SNX31: variants seen among roughly 807,000 people sequenced by gnomAD.
The protein encoded by SNX31 is sorting nexin 31.
In SNX31, 58 loss-of-function variants were observed where a neutral mutation model predicts 65.4. The ratio of observed to expected loss-of-function variants is 0.89; its 90% CI spans 0.72 to 1.10. The LOEUF (loss-of-function observed/expected upper bound fraction) is 1.10. Among genes scored for constraint, SNX31 ranks in the 50% least tolerant of loss-of-function variants. The pLI is 0.00. For missense variants in SNX31, 523 were observed against 529.7 expected (o/e 0.99, Z 0.12); for synonymous variants, 181 against 190.1 (o/e 0.95, Z 0.39).
intron 10 of SNX31, among the ~76,000 whole-genome samples, chr8:100,596,366 C>A (rs1039268346): frequency 6.6e-6 from 1 of 152,080 alleles, no homozygotes; most frequent in East Asian, 1.9e-4. Context: ...GCTGTTATTG[C>A]CATCTGCTGT....
chr8:100,657,587 T>C, intron 1 of SNX31: 1 of 436,886 alleles, frequency 2.3e-6, no homozygotes, highest in Non-Finnish European at 4.6e-6. Flanking sequence ...CAGGTATACC[T>C]GTGGAGTCCA....
intron 2 of SNX31, among the ~76,000 whole-genome samples, chr8:100,642,923 G>A (rs1819360478): frequency 6.6e-6 from 1 of 152,170 alleles, no homozygotes; most frequent in African/African-American, 2.4e-5. Flanking sequence ...GGGCGTGATG[G>A]CTCATGCCTG....
In SNX31 at chr8:100,625,069, C is replaced by G. The variant is rs540010522; in HGVS notation, c.321+5258G>C. Among the ~76,000 whole-genome samples, 9 of 152,270 alleles carry G rather than the reference C, an allele frequency of 5.9e-5. No individual in the cohort carries two copies. Among genetic ancestry groups the G allele is most frequent in the Admixed American group, 2.0e-4 (3 of 15,292 alleles). Reference sequence around the variant, plus strand: ...CAAGTAATTCTCCCACCTCAGCCCCCCAAAGTTCTGGGATTACAGGTGTGA... The same window carrying G: ...CAAGTAATTCTCCCACCTCAGCCCCGCAAAGTTCTGGGATTACAGGTGTGA... On this transcript the variant is annotated intron_variant, in intron 4 of 13. Coordinates refer to ENST00000311812, the MANE Select transcript of SNX31 (RefSeq NM_152628.4). This position sits in a 1 kb window ranked among gnomAD's most constrained non-coding sequence, Gnocchi z 4.2.
intron 12 of SNX31, among the ~76,000 whole-genome samples, chr8:100,577,757 A>G (rs1813167438): frequency 6.6e-6 from 1 of 152,178 alleles, no homozygotes; most frequent in Admixed American, 6.5e-5. Flanking sequence ...GAGTAGCTGT[A>G]GCTATAAGGA....
Position 100,573,717 on chromosome 8 carries a change from C to T in SNX31, c.*148G>A. The T allele has an allele frequency of 2.2e-6, 1 of 445,344 alleles. No homozygotes were observed. Among genetic ancestry groups the T allele is most frequent in the Non-Finnish European group, 4.0e-6 (1 of 251,590 alleles). 27.6% of individuals were successfully genotyped at this position (445,344 alleles called of 1,614,324 possible). On this transcript the variant is annotated 3_prime_UTR_variant, in exon 14 of 14. Coordinates refer to ENST00000311812, the MANE Select transcript of SNX31 (RefSeq NM_152628.4). The stretch of plus-strand genomic sequence containing the variant: ...TTCCATAGAGTGCTGTGGTATAATA[C>T]CTTGATGAATACAGTCCATGTTAAT...
intron 10 of SNX31, among the ~76,000 whole-genome samples, chr8:100,593,491 T>C (rs985487102): frequency 1.3e-5 from 2 of 152,008 alleles, no homozygotes; most frequent in Non-Finnish European, 2.9e-5. Context: ...TCTTGCTCTG[T>C]CTCCCAGGCT....
At position 100,613,907 on chromosome 8, in the gene SNX31, T is replaced by G. The variant is rs1333633550; in HGVS notation, c.433-822A>C. Among the ~76,000 whole-genome samples, 1 of 152,112 alleles carries G rather than the reference T, an allele frequency of 6.6e-6. No individual in the cohort carries two copies. Among genetic ancestry groups the G allele is most frequent in the Non-Finnish European group, 1.5e-5 (1 of 68,016 alleles). ...CTTTATACTCCTGGTCTTAACTCAC[T>G]AAATCACCTCTGTACCACGCAAGGA... On this transcript the variant is annotated intron_variant, in intron 5 of 13. Coordinates refer to ENST00000311812, the MANE Select transcript of SNX31 (RefSeq NM_152628.4). The surrounding 1 kb of genome is among the most constrained non-coding windows in gnomAD (Gnocchi z 5.2).
chr8:100,641,625 C>CATATATATAT (rs368399829), intron 2 of SNX31, among the ~76,000 whole-genome samples: 114 of 48,764 alleles, frequency 2.3e-3, no homozygotes, highest in African/African-American at 3.0e-3. Context: ...CACACACGCG[C>CATATATATAT]ATATATATAT....
In SNX31 at chr8:100,610,358, ATTT is replaced by A. The variant is rs5893526; in HGVS notation, c.611+1639_611+1641del. The stretch of plus-strand genomic sequence containing the variant: ...ATGAGTGAAAATCTAAGCCCCAAAG[ATTT>A]TTTTTTTTTTTTTGCTTCCTATAAT... On this transcript the variant is annotated intron_variant, in intron 7 of 13. Transcript: ENST00000311812. This position sits in a 1 kb window ranked among gnomAD's most constrained non-coding sequence, Gnocchi z 4.0. Among the ~76,000 whole-genome samples the A allele has an allele frequency of 1.4e-3, 198 of 143,994 alleles. 1 individual carries two copies. The highest frequency in any genetic ancestry group is 0.011 in the South Asian group (49 of 4,476). The allele number at this position is 143,994 out of a possible 152,430, so 94.5% of individuals were successfully genotyped here.
chr8:100,582,562 G>A (rs1308033037), intron 12 of SNX31: 1 of 152,110 alleles, frequency 6.6e-6, no homozygotes, highest in Non-Finnish European at 1.5e-5. Flanking sequence ...AGTTCTAGAA[G>A]AAAGAGAAAT....
chr8:100,615,391 C>T (rs1442174253), intron 5 of SNX31, among the ~76,000 whole-genome samples: 2 of 152,202 alleles, frequency 1.3e-5, no homozygotes, highest in East Asian at 1.9e-4. Flanking sequence ...ATAAACACAA[C>T]TGCCATTGTC....
intron 8 of SNX31, among the ~76,000 whole-genome samples, chr8:100,603,968 T>A (rs1018767966): frequency 6.6e-6 from 1 of 152,146 alleles, no homozygotes; most frequent in Non-Finnish European, 1.5e-5. Context: ...AAACTCCTAA[T>A]CTCAGGTACT....
intron 10 of SNX31, among the ~76,000 whole-genome samples, chr8:100,589,592 G>T (rs541010380): frequency 1.4e-4 from 21 of 151,730 alleles, no homozygotes; most frequent in African/African-American, 4.6e-4. Context: ...TAGTGTGTAG[G>T]GGAGGTGAGA....
intron 2 of SNX31, among the ~76,000 whole-genome samples, chr8:100,637,281 A>G (rs1011970868): frequency 6.6e-6 from 1 of 152,238 alleles, no homozygotes; most frequent in African/African-American, 2.4e-5. Flanking sequence ...GCACAGATTC[A>G]TTCTCCTGAA....
chr8:100,636,669 T>C (rs905624913), intron 2 of SNX31, among the ~76,000 whole-genome samples: 1 of 152,204 alleles, frequency 6.6e-6, no homozygotes, highest in Non-Finnish European at 1.5e-5. Context: ...TTACTCTTTT[T>C]AATGTGCCTA....
rs182066655 is a variant in SNX31, at chr8:100,600,473, T to A, written c.682-32A>T. ...ATAACATAAGTTGTAAAATTAGCAG[T>A]CTTAGCAGAAATTAATCAATCTGAC... is the stretch of plus-strand genomic sequence containing the variant. On this transcript the variant is annotated intron_variant, in intron 8 of 13. Coordinates refer to ENST00000311812, the MANE Select transcript of SNX31 (RefSeq NM_152628.4). The A allele has an allele frequency of 5.1e-6, 8 of 1,568,680 alleles. No individual in the cohort carries two copies. In the African/African-American group the frequency reaches 1.1e-4, roughly 21 times the overall value.
intron 8 of SNX31, among the ~76,000 whole-genome samples, 173 bp from the exon 9 acceptor site, chr8:100,600,614 G>A (rs1815535410): frequency 6.6e-6 from 1 of 152,030 alleles, no homozygotes; most frequent in Non-Finnish European, 1.5e-5. Flanking sequence ...TTGTTCAACA[G>A]CTTGGGGACA....
chr8:100,615,968 G>T (rs576088155), intron 5 of SNX31, among the ~76,000 whole-genome samples: 1 of 152,050 alleles, frequency 6.6e-6, no homozygotes, highest in Non-Finnish European at 1.5e-5. Flanking sequence ...TAGAGATGTG[G>T]TCTCACTGTG....
intron 4 of SNX31, among the ~76,000 whole-genome samples, chr8:100,628,509 A>G (rs912856727): frequency 6.7e-6 from 1 of 148,482 alleles, no homozygotes; most frequent in East Asian, 2.0e-4. Flanking sequence ...CAAACACCGC[A>G]TGTTCTCACT....
Sources: gnomAD v4.1 joint callset for allele counts (sites outside exome capture counted in the v4.1 genomes callset) on GRCh38, gnomAD v4.1.1 for gene constraint, Gnocchi (gnomAD v3.1) non-coding constraint, MANE v1.5 for transcripts, NCBI Gene and HGNC (gene_info 2026-07-23, HGNC 2026-07-21) for gene names.